ELAPOR1: variants seen among roughly 807,000 people sequenced by gnomAD.
ELAPOR1 encodes the protein endosome-lysosome associated apoptosis and autophagy regulator 1.
Under a neutral mutation model 119.7 loss-of-function variants are expected in ELAPOR1, and 77 were observed. The observed-to-expected ratio is 0.64, with a 90% CI of 0.54 to 0.78. The LOEUF (loss-of-function observed/expected upper bound fraction) is 0.78, where lower values mean the gene tolerates loss of function less well. Among genes scored for constraint, ELAPOR1 ranks in the 30% least tolerant of loss-of-function variants. ELAPOR1 has a pLI of 0.00. For missense variants in ELAPOR1, 1,115 were observed against 1,270.4 expected (o/e 0.88, Z 1.86); for synonymous variants, 481 against 487.2 (o/e 0.99, Z 0.17).
intron 3 of ELAPOR1, 152 bp downstream of exon 3, chr1:109,164,843 C>G (rs1387322053): frequency 2.9e-6 from 2 of 694,642 alleles, no homozygotes; most frequent in Non-Finnish European, 4.7e-6. Flanking sequence ...TGCAGCTGTG[C>G]CCGCAAGACC....
At chr1:109,133,702 G>A (rs17838303) in intron 1 of ELAPOR1, among the ~76,000 whole-genome samples, 3,125 of 152,200 alleles carry the variant, frequency 0.021, 107 homozygotes, top group African/African-American at 0.071. Flanking sequence ...GGAATAGCAG[G>A]GGATATGTTT....
chr1:109,118,017 C>T (rs1016490873), intron 1 of ELAPOR1, among the ~76,000 whole-genome samples: 2 of 151,932 alleles, frequency 1.3e-5, no homozygotes, highest in Non-Finnish European at 1.5e-5. Context: ...ATCCCAGCTA[C>T]TTGGGAGACT....
At chr1:109,145,666 G>A (rs933566002) in intron 1 of ELAPOR1, among the ~76,000 whole-genome samples, 1 of 151,762 alleles carries the variant, frequency 6.6e-6, no homozygotes, top group Non-Finnish European at 1.5e-5. Flanking sequence ...TCAAAAAAAA[G>A]AAAAAAGAAA....
chr1:109,132,586 G>C (rs1263437374), intron 1 of ELAPOR1, among the ~76,000 whole-genome samples: 1 of 152,198 alleles, frequency 6.6e-6, no homozygotes, highest in East Asian at 1.9e-4. Context: ...TAGGGGATTT[G>C]ACTTAAGCCA....
chr1:109,196,652 G>GA (rs60138593), intron 15 of ELAPOR1, among the ~76,000 whole-genome samples: 18 of 139,528 alleles, frequency 1.3e-4, no homozygotes, highest in African/African-American at 3.3e-4. Flanking sequence ...CTACAATCTA[G>GA]AAAAAAAAAA....
chr1:109,197,981 G>A lies in ELAPOR1; in HGVS notation c.2305G>A (p.Val769Met). ...AATTAGGAGCTCTAATTTGGCAGGG[G>A]TGACAACAGATATGACTCTGGATGG... ...PVSLADRLIG[V>M]TTDMTLDGIT... Residue 769 changes from valine (V) to methionine (M), a missense_variant and splice_region_variant, in exon 17 of 22, where the codon GTG becomes ATG. Transcript: ENST00000369939. The A allele has an allele frequency of 6.2e-7, 1 of 1,614,024 alleles. No homozygotes were observed. Among genetic ancestry groups the A allele is most frequent in the Non-Finnish European group, 8.5e-7 (1 of 1,179,882 alleles).
rs1654136131 is a variant in ELAPOR1 at position 109,200,966 on chromosome 1, A to G, written c.2973+66A>G. The G allele has an allele frequency of 6.6e-6, 10 of 1,507,872 alleles. No homozygotes were observed. In the Admixed American group the frequency reaches 1.1e-4, roughly 16 times the overall value. 93.4% of individuals were successfully genotyped at this position (1,507,872 alleles called of 1,614,324 possible). ...CTGGAGGAGACACTGCTCCTCAGAC[A>G]CTGAATGGTCCTGTACCGTTCAGGG... On this transcript the variant is annotated intron_variant, in intron 21 of 21. Transcript: ENST00000369939.
In ELAPOR1 at chr1:109,173,486, C is replaced by T. The variant is rs756426797; in HGVS notation, c.709C>T (p.Arg237Ter). The T allele has an allele frequency of 1.9e-6, 3 of 1,613,694 alleles. No individual in the cohort carries two copies. Among genetic ancestry groups the T allele is most frequent in the Non-Finnish European group, 2.5e-6 (3 of 1,179,822 alleles). The change falls in exon 6 of 22, where the codon CGA (arginine) becomes TGA (stop). Residue 237 changes from arginine to a stop codon, truncating the protein, a stop_gained. Transcript: ENST00000369939. LOFTEE classifies it high-confidence loss of function. ...GWEFHSVELN[R>*]GNNVLYWRTT... ...TTGTGGTTTTTAGGTGGAGCTAAATCGAGGCAATAATGTCCTCTATTGGAG... is the reference window on the plus strand; with the variant it reads ...TTGTGGTTTTTAGGTGGAGCTAAATTGAGGCAATAATGTCCTCTATTGGAG...
At position 109,194,595 on chromosome 1, in the gene ELAPOR1, GTAAGGTATACCAGT is replaced by G; in HGVS notation, c.2121+3_2121+16del. 1 of 1,613,626 alleles carries G rather than the reference GTAAGGTATACCAGT, an allele frequency of 6.2e-7. No homozygotes were observed. Among genetic ancestry groups the G allele is most frequent in the Non-Finnish European group, 8.5e-7 (1 of 1,179,536 alleles). ...TACCCTCAGTCTCTGTGGAAACCAG[GTAAGGTATACCAGT>G]TGACAGGGTGAAAATTGAATGGGGG... On this transcript the variant is annotated splice_donor_variant and splice_donor_5th_base_variant and intron_variant, in intron 15 of 21. Transcript: ENST00000369939. LOFTEE classifies it high-confidence loss of function.
At chr1:109,136,219 G>A (rs1649458387) in intron 1 of ELAPOR1, among the ~76,000 whole-genome samples, 1 of 152,174 alleles carries the variant, frequency 6.6e-6, no homozygotes, top group Non-Finnish European at 1.5e-5. Flanking sequence ...TGCGGATGTA[G>A]TCAAGTTACA....
At chr1:109,144,961 A>C (rs918594414) in intron 1 of ELAPOR1, among the ~76,000 whole-genome samples, 1 of 152,224 alleles carries the variant, frequency 6.6e-6, no homozygotes, top group Admixed American at 6.5e-5. Context: ...ATGCATATAC[A>C]TAATATATAC....
chr1:109,119,230 T>G (rs981129137), intron 1 of ELAPOR1, among the ~76,000 whole-genome samples: 1 of 147,346 alleles, frequency 6.8e-6, no homozygotes, highest in Non-Finnish European at 1.5e-5. Flanking sequence ...AAGATCTGGC[T>G]CTACTCTGAA....
At chr1:109,153,098 A>G (rs895748177) in intron 1 of ELAPOR1, among the ~76,000 whole-genome samples, 1 of 152,118 alleles carries the variant, frequency 6.6e-6, no homozygotes, top group African/African-American at 2.4e-5. Context: ...AAGTTGGGCA[A>G]TGAGATGGGG....
Position 109,203,073 on chromosome 1 carries a change from G to A in ELAPOR1, c.*61G>A, listed in dbSNP as rs1437951710. 14 of 1,167,346 alleles carry A rather than the reference G, an allele frequency of 1.2e-5. No individual in the cohort carries two copies. Among genetic ancestry groups the A allele is most frequent in the South Asian group, 2.6e-5 (2 of 76,828 alleles). 72.3% of individuals were successfully genotyped at this position (1,167,346 alleles called of 1,614,324 possible). A position where few individuals can be genotyped will look rare whatever the true frequency, so the allele number is the denominator to read the frequency against. ...CATAGCACCTTTGCAAGCCTGCGGC[G>A]ATTTGGGTGCCAGCATCCTGCAACA... On this transcript the variant is annotated 3_prime_UTR_variant, in exon 22 of 22. Coordinates refer to ENST00000369939, the MANE Select transcript of ELAPOR1 (RefSeq NM_020775.5).
chr1:109,128,844 T>C (rs1294057110), intron 1 of ELAPOR1, among the ~76,000 whole-genome samples: 3 of 152,126 alleles, frequency 2.0e-5, no homozygotes, highest in African/African-American at 7.2e-5. Context: ...CTCTGCAAAT[T>C]CTCTCATTTT....
rs1217139637 is a variant in ELAPOR1 at position 109,197,510 on chromosome 1, G to T, written c.2158G>T (p.Asp720Tyr). Reference protein sequence around the residue: ...KMSVCTDNVTDLRIPEGESGF... With the variant: ...KMSVCTDNVTYLRIPEGESGF... ...GTCTGTGTGCACCGACAATGTCACT[G>T]ACCTCCGGATTCCTGAGGGTGAGTC... Residue 720 changes from aspartate to tyrosine, a missense_variant, in exon 16 of 22, where the codon GAC becomes TAC. By Grantham distance (160) the Asp-to-Tyr change is radical. Coordinates refer to ENST00000369939, the MANE Select transcript of ELAPOR1 (RefSeq NM_020775.5). 1.2e-6 allele frequency: 2 copies of T among 1,614,144 alleles called. No individual in the cohort carries two copies. The highest frequency in any genetic ancestry group is 1.7e-6 in the Non-Finnish European group (2 of 1,180,030).
In ELAPOR1 at chr1:109,203,080, G is replaced by A. The variant is rs550368011; in HGVS notation, c.*68G>A. ...CCTTTGCAAGCCTGCGGCGATTTGG[G>A]TGCCAGCATCCTGCAACACCCACTG... On this transcript the variant is annotated 3_prime_UTR_variant, in exon 22 of 22. Transcript: ENST00000369939. The A allele has an allele frequency of 7.1e-5, 76 of 1,067,772 alleles. No homozygotes were observed. The African/African-American group carries it at 1.0e-3, about 14-fold the overall frequency. 66.1% of individuals were successfully genotyped at this position (1,067,772 alleles called of 1,614,324 possible).
chr1:109,200,631 C>T, intron 20 of ELAPOR1, 104 bp from the exon 21 acceptor site: 1 of 1,075,676 alleles, frequency 9.3e-7, no homozygotes, highest in South Asian at 1.6e-5. Flanking sequence ...GTCTCCTTAC[C>T]CATGGCATGG....
At position 109,137,460 on chromosome 1, in the gene ELAPOR1, G is replaced by C. The variant is rs1030261773; in HGVS notation, c.153+23124G>C. Reference sequence around the variant, plus strand: ...CTCAAGTGATCTGCCCGCCTCGGCCGCCCAAAGTGCTGGGATTACAAATGT... The same window carrying C: ...CTCAAGTGATCTGCCCGCCTCGGCCCCCCAAAGTGCTGGGATTACAAATGT... On this transcript the variant is annotated intron_variant, in intron 1 of 21. Transcript: ENST00000369939. Among the ~76,000 whole-genome samples the C allele has an allele frequency of 5.6e-4, 80 of 144,134 alleles. No homozygotes were observed. In the Middle Eastern group the frequency reaches 0.012, roughly 22 times the overall value. 94.6% of individuals were successfully genotyped at this position (144,134 alleles called of 152,430 possible). A position where few individuals can be genotyped will look rare whatever the true frequency, so the allele number is the denominator to read the frequency against.
Sources: allele counts gnomAD v4.1 joint callset (sites outside exome capture counted in the v4.1 genomes callset), GRCh38; gene constraint gnomAD v4.1.1; transcripts MANE v1.5; gene names NCBI Gene and HGNC (gene_info 2026-07-23, HGNC 2026-07-21).